The following LARGE1 variants were observed in gnomAD, a reference collection of about 807,000 sequenced individuals.
The protein encoded by LARGE1 is xylosyl- and glucuronyltransferase LARGE1.
A neutral mutation model predicts 87.6 loss-of-function variants in LARGE1; 43 were observed. The ratio of observed to expected loss-of-function variants is 0.49; its 90% confidence interval spans 0.38 to 0.63. LARGE1 has a LOEUF of 0.63. LARGE1 is among the 30% of genes least tolerant of loss of function. The probability of loss-of-function intolerance (pLI) is 0.00; values close to 1 mark genes in which losing one functional copy is unlikely to be tolerated. For missense variants in LARGE1, 802 were observed against 1,000.2 expected (o/e 0.80, Z 2.67); for synonymous variants, 434 against 394.6 (o/e 1.10, Z -1.18).
intron 11 of LARGE1, among the ~76,000 whole-genome samples, chr22:33,266,334 G>A (rs1473831605): frequency 6.8e-6 from 1 of 146,996 alleles, no homozygotes; most frequent in Admixed American, 6.9e-5. Context: ...CGATTATCCT[G>A]CCTCAGCCTC....
chr22:33,203,097 CTCTCTGTGTG>C (rs1464617783), intron 11 of LARGE1, among the ~76,000 whole-genome samples: 2 of 132,936 alleles, frequency 1.5e-5, no homozygotes, highest in East Asian at 2.1e-4. Context: ...CTCTCTCTCT[CTCTCTGTGTG>C]TGTGTGTGTG....
At chr22:33,287,557 G>A (rs1231355812) in intron 12 of LARGE1, among the ~76,000 whole-genome samples, 3 of 152,162 alleles carry the variant, frequency 2.0e-5, no homozygotes. Context: ...TACAAACTCT[G>A]AGCTCATCTG....
chr22:33,429,718 C>G (rs952329635), intron 7 of LARGE1, among the ~76,000 whole-genome samples: 7 of 152,146 alleles, frequency 4.6e-5, no homozygotes, highest in Non-Finnish European at 1.0e-4. Context: ...CTGAGACTTC[C>G]TTTCTCCACC....
At chr22:33,292,272 A>G (rs2145996092) in intron 12 of LARGE1, among the ~76,000 whole-genome samples, 1 of 152,298 alleles carries the variant, frequency 6.6e-6, no homozygotes, top group African/African-American at 2.4e-5. Flanking sequence ...TAGCACCACA[A>G]AACGAACTAG....
At chr22:33,661,934 G>GT in intron 2 of LARGE1, among the ~76,000 whole-genome samples, 1 of 152,184 alleles carries the variant, frequency 6.6e-6, no homozygotes, top group South Asian at 2.1e-4. Context: ...TCTTGGGACT[G>GT]TAAGAAGAAA....
intron 1 of LARGE1, among the ~76,000 whole-genome samples, chr22:33,919,102 G>GAAAA (rs5845124): frequency 1.7e-4 from 22 of 127,344 alleles, no homozygotes; most frequent in African/African-American, 6.6e-4. Context: ...GCACAGAGAC[G>GAAAA]AAAAAAAAAA....
At chr22:33,901,798 C>T (rs2065289730) in intron 1 of LARGE1, among the ~76,000 whole-genome samples, 1 of 152,226 alleles carries the variant, frequency 6.6e-6, no homozygotes, top group Admixed American at 6.5e-5. Flanking sequence ...CATATGCATA[C>T]TTTAACCACA....
chr22:33,827,590 A>T lies in LARGE1; in HGVS notation c.-82-66032T>A, dbSNP rs1601713557. 2.0e-5 allele frequency among the ~76,000 whole-genome samples: 3 copies of T among 152,330 alleles called. No homozygotes were observed. The East Asian group carries it at 5.8e-4, about 29-fold the overall frequency. On this transcript the variant is annotated intron_variant, in intron 1 of 14. Transcript: ENST00000397394. The stretch of plus-strand genomic sequence containing the variant: ...CCTGAATTCACTCCTGGACAATACG[A>T]ACTCACATCTGTCCCATCGTGGCCA...
At chr22:33,307,986 G>A (rs941266296) in intron 11 of LARGE1, among the ~76,000 whole-genome samples, 6 of 152,058 alleles carry the variant, frequency 3.9e-5, no homozygotes, top group African/African-American at 1.4e-4. Context: ...AAACCCAGAA[G>A]GCCTGTCTCT....
intron 1 of LARGE1, among the ~76,000 whole-genome samples, chr22:33,776,413 T>C (rs955550043): frequency 2.0e-5 from 3 of 152,312 alleles, no homozygotes; most frequent in South Asian, 2.1e-4. Flanking sequence ...CTTTCAACAA[T>C]GCATTGCCAA....
rs1161289211 is a variant in LARGE1 at position 33,529,230 on chromosome 22, C to A, written c.787+35618G>T. The stretch of plus-strand genomic sequence containing the variant: ...GCCCTCTCTAATCCCTGGCTCATCG[C>A]CTTTGAGGACCATGATGGCCCCTTG... On this transcript the variant is annotated intron_variant, in intron 6 of 14. Coordinates refer to ENST00000397394, the MANE Select transcript of LARGE1 (RefSeq NM_133642.5). 3.9e-5 allele frequency among the ~76,000 whole-genome samples: 6 copies of A among 152,234 alleles called. No individual in the cohort carries two copies. In the East Asian group the frequency reaches 1.2e-3, roughly 29 times the overall value.
chr22:33,241,215 G>GCTCT (rs3071497), intron 11 of LARGE1, among the ~76,000 whole-genome samples: 2 of 150,984 alleles, frequency 1.3e-5, no homozygotes, highest in African/African-American at 4.9e-5. Context: ...GAAGACATAT[G>GCTCT]CTCTCTCTCT....
At chr22:33,597,512 C>T (rs144708556) in intron 5 of LARGE1, among the ~76,000 whole-genome samples, 1 of 152,274 alleles carries the variant, frequency 6.6e-6, no homozygotes, top group East Asian at 1.9e-4. Context: ...TCTCTAAAGA[C>T]AACCTCTGCC....
At chr22:33,293,460 G>T (rs1932873144) in intron 12 of LARGE1, among the ~76,000 whole-genome samples, 1 of 152,178 alleles carries the variant, frequency 6.6e-6, no homozygotes. Flanking sequence ...AATGAAGTCT[G>T]CACCAGCTTA....
intron 6 of LARGE1, among the ~76,000 whole-genome samples, chr22:33,497,078 T>C (rs990667756): frequency 2.7e-5 from 4 of 150,820 alleles, no homozygotes; most frequent in African/African-American, 9.7e-5. Context: ...TTTCTTTTTT[T>C]TTTTTTTTTC....
chr22:33,507,712 T>C (rs2148417306), intron 6 of LARGE1, among the ~76,000 whole-genome samples: 1 of 152,286 alleles, frequency 6.6e-6, no homozygotes, highest in East Asian at 1.9e-4. Context: ...TGGTAAAATT[T>C]TGTTAGGTAT....
chr22:33,563,452 A>C (rs1299455906), intron 6 of LARGE1, among the ~76,000 whole-genome samples: 1 of 152,214 alleles, frequency 6.6e-6, no homozygotes, highest in Non-Finnish European at 1.5e-5. Flanking sequence ...TGCATCACTG[A>C]ACACTCAACA....
intron 1 of LARGE1, among the ~76,000 whole-genome samples, chr22:33,795,097 T>C (rs1376812832): frequency 6.6e-6 from 1 of 152,200 alleles, no homozygotes; most frequent in African/African-American, 2.4e-5. Flanking sequence ...AGAGAACTAG[T>C]CTTTAAAGAG....
chr22:33,819,530 C>T (rs1441344854), intron 1 of LARGE1, among the ~76,000 whole-genome samples: 1 of 152,046 alleles, frequency 6.6e-6, no homozygotes, highest in African/African-American at 2.4e-5. Context: ...TACCAACAAA[C>T]CTCCCCACCG....
Sources: allele counts gnomAD v4.1 joint callset (sites outside exome capture counted in the v4.1 genomes callset), GRCh38; gene constraint gnomAD v4.1.1; transcripts MANE v1.5; gene names NCBI Gene and HGNC (gene_info 2026-07-23, HGNC 2026-07-21).